The following ZNF423 variants were observed in gnomAD, a reference collection of about 807,000 sequenced individuals.
ZNF423 encodes the protein zinc finger protein 423.
Under a neutral mutation model 95.8 loss-of-function variants are expected in ZNF423, and 12 were observed. That is an observed-to-expected ratio of 0.13 (90% CI 0.08 to 0.20). ZNF423 has a LOEUF of 0.20. ZNF423 is among the 10% of genes least tolerant of loss of function. The pLI, the probability that ZNF423 is intolerant of heterozygous loss-of-function variation, is 1.00. For synonymous variants in ZNF423, 749 were observed against 711.9 expected, an observed-to-expected ratio of 1.05 and a Z score of -0.83; for missense variants, 1,316 against 1,737.1, an observed-to-expected ratio of 0.76 and a Z score of 4.31.
chr16:49,553,534 G>A (rs113012856), intron 5 of ZNF423, among the ~76,000 whole-genome samples: 4,220 of 152,094 alleles, frequency 0.028, 95 homozygotes, highest in Non-Finnish European at 0.044. Flanking sequence ...TTTTGTAAAG[G>A]TGAGGTCTTG....
chr16:49,815,522 C>T (rs982705342), intron 1 of ZNF423, among the ~76,000 whole-genome samples: 7 of 152,090 alleles, frequency 4.6e-5, no homozygotes, highest in African/African-American at 1.2e-4. Flanking sequence ...AGTGGTATGA[C>T]GGGTGCCAAG....
intron 5 of ZNF423, among the ~76,000 whole-genome samples, chr16:49,549,579 C>T (rs1969562659): frequency 6.6e-6 from 1 of 152,184 alleles, no homozygotes; most frequent in Admixed American, 6.5e-5. Flanking sequence ...CACCTCCTTC[C>T]CTAGGTAGAA....
At position 49,523,589 on chromosome 16, in the gene ZNF423, T is replaced by C. The variant is rs377445280; in HGVS notation, c.3849+35A>G. The C allele has an allele frequency of 3.8e-6, 6 of 1,576,600 alleles. No individual in the cohort carries two copies. The African/African-American group carries it at 4.0e-5, about 11-fold the overall frequency. On this transcript the variant is annotated intron_variant, in intron 7 of 7. Coordinates refer to ENST00000563137, the MANE Select transcript of ZNF423 (RefSeq NM_001379286.1). ...GTGCTGACGGGGGAACCGAGGACCATCAGGCGGCGTGGTGCAGCGGATGTG... is the reference window on the plus strand; with the variant it reads ...GTGCTGACGGGGGAACCGAGGACCACCAGGCGGCGTGGTGCAGCGGATGTG...
At chr16:49,672,463 G>A (rs982489989) in intron 3 of ZNF423, among the ~76,000 whole-genome samples, 1 of 141,546 alleles carries the variant, frequency 7.1e-6, no homozygotes, top group African/African-American at 2.5e-5. Flanking sequence ...GGCCTGGAGG[G>A]TCTGCACTCT....
chr16:49,650,645 G>A (rs1365297429), intron 3 of ZNF423, among the ~76,000 whole-genome samples: 1 of 152,142 alleles, frequency 6.6e-6, no homozygotes, highest in Non-Finnish European at 1.5e-5. Flanking sequence ...AGGCATCCTG[G>A]GATGGAACCC....
At chr16:49,569,457 C>T (rs746160604) in intron 5 of ZNF423, among the ~76,000 whole-genome samples, 30 of 152,124 alleles carry the variant, frequency 2.0e-4, no homozygotes, top group Non-Finnish European at 4.1e-4. Context: ...AAAAGAGAGC[C>T]GTTTTGGGGT....
chr16:49,570,321 G>A (rs1311346448), intron 5 of ZNF423, among the ~76,000 whole-genome samples: 1 of 152,170 alleles, frequency 6.6e-6, no homozygotes, highest in Non-Finnish European at 1.5e-5. Context: ...AACCATGTGA[G>A]ATGGGTGTTA....
chr16:49,544,067 C>T (rs1460120994), intron 5 of ZNF423, among the ~76,000 whole-genome samples: 5 of 152,246 alleles, frequency 3.3e-5, no homozygotes, highest in African/African-American at 1.2e-4. Context: ...CACACATCCA[C>T]CTGTCCATCT....
intron 1 of ZNF423, among the ~76,000 whole-genome samples, chr16:49,851,847 GA>G (rs2035305473): frequency 6.6e-6 from 1 of 152,180 alleles, no homozygotes; most frequent in Non-Finnish European, 1.5e-5. Context: ...TTTCTAGAAT[GA>G]AACAGGCCCT....
rs560398647 is a variant in ZNF423 at position 49,488,343 on chromosome 16, G to A, written c.*2932C>T. On this transcript the variant is annotated 3_prime_UTR_variant, in exon 8 of 8. Coordinates refer to ENST00000563137, the MANE Select transcript of ZNF423 (RefSeq NM_001379286.1). ...ACCTGCCTGCTTCTGGGCACTCTGGGCAGGTGTTCCATGACAGGGGCCTGT... is the reference window on the plus strand; with the variant it reads ...ACCTGCCTGCTTCTGGGCACTCTGGACAGGTGTTCCATGACAGGGGCCTGT... 9.9e-4 allele frequency: 150 copies of A among 151,492 alleles called. 1 individual carries two copies. Among genetic ancestry groups the A allele is most frequent in the African/African-American group, 3.4e-3 (142 of 41,560 alleles). 9.4% of individuals were successfully genotyped at this position (151,492 alleles called of 1,614,324 possible).
At chr16:49,657,047 G>A (rs914769558) in intron 3 of ZNF423, among the ~76,000 whole-genome samples, 4 of 152,248 alleles carry the variant, frequency 2.6e-5, no homozygotes, top group South Asian at 2.1e-4. Context: ...AGTGACACCC[G>A]TTCAGGGGCA....
intron 3 of ZNF423, among the ~76,000 whole-genome samples, chr16:49,707,362 C>T (rs1197082333): frequency 2.0e-5 from 3 of 152,140 alleles, no homozygotes; most frequent in Non-Finnish European, 4.4e-5. Context: ...GCCTGTAATC[C>T]TAGCACTTTG....
At chr16:49,542,829 G>A (rs958940431) in intron 5 of ZNF423, among the ~76,000 whole-genome samples, 6 of 152,214 alleles carry the variant, frequency 3.9e-5, no homozygotes, top group African/African-American at 1.4e-4. Context: ...GAGGAGCCAG[G>A]TCAGCGGAAA....
At position 49,490,918 on chromosome 16, in the gene ZNF423, G is replaced by GA. The variant is rs200311464; in HGVS notation, c.*356dup. On this transcript the variant is annotated 3_prime_UTR_variant, in exon 8 of 8. Transcript: ENST00000563137. Reference sequence around the variant, plus strand: ...ACAAGAAAGAAAAAAAAGAAGCAAAGAAAAAAAATCACACTAATTCTTTTT... The same window carrying GA: ...ACAAGAAAGAAAAAAAAGAAGCAAAGAAAAAAAAATCACACTAATTCTTTTT... 4.4e-4 allele frequency: 97 copies of GA among 222,496 alleles called. 1 individual carries two copies. The highest frequency in any genetic ancestry group is 1.6e-3 in the South Asian group (10 of 6,416). 13.8% of individuals were successfully genotyped at this position (222,496 alleles called of 1,614,324 possible).
At chr16:49,748,461 C>A (rs1265265975) in intron 2 of ZNF423, among the ~76,000 whole-genome samples, 2 of 152,146 alleles carry the variant, frequency 1.3e-5, no homozygotes, top group African/African-American at 4.8e-5. Context: ...TGGAAAACGG[C>A]CTAATTCAAG....
intron 1 of ZNF423, among the ~76,000 whole-genome samples, chr16:49,846,227 G>A (rs1441748532): frequency 6.6e-6 from 1 of 151,446 alleles, no homozygotes; most frequent in Non-Finnish European, 1.5e-5. Context: ...TTGAGCCTGG[G>A]AGGTGGGGGC....
At chr16:49,669,216 C>G (rs1438594069) in intron 3 of ZNF423, among the ~76,000 whole-genome samples, 1 of 151,924 alleles carries the variant, frequency 6.6e-6, no homozygotes, top group Non-Finnish European at 1.5e-5. Flanking sequence ...GTAATCCCAG[C>G]TACTCGGGAG....
At chr16:49,684,136 C>G (rs374189653) in intron 3 of ZNF423, among the ~76,000 whole-genome samples, 1 of 152,220 alleles carries the variant, frequency 6.6e-6, no homozygotes, top group East Asian at 1.9e-4. Flanking sequence ...CAGGTCAGAC[C>G]GTGAACTCCC....
chr16:49,854,811 C>G, intron 1 of ZNF423: 1 of 985,370 alleles, frequency 1.0e-6, no homozygotes, highest in Non-Finnish European at 1.2e-6. Context: ...GAAAGCAAAG[C>G]GTGGAGACGA....
Sources: allele counts gnomAD v4.1 joint callset (sites outside exome capture counted in the v4.1 genomes callset), GRCh38; gene constraint gnomAD v4.1.1; transcripts MANE v1.5; gene names NCBI Gene and HGNC (gene_info 2026-07-23, HGNC 2026-07-21).